Variants in PCDHA3 observed in about 807,000 individuals in gnomAD.
The protein encoded by PCDHA3 is protocadherin alpha 3.
In PCDHA3, 41 loss-of-function variants were observed where a neutral mutation model predicts 62.2. That is an observed-to-expected ratio of 0.66 (90% CI 0.51 to 0.86). The LOEUF (loss-of-function observed/expected upper bound fraction) is 0.86, where lower values mean the gene tolerates loss of function less well. PCDHA3 is among the 40% of genes least tolerant of loss of function. PCDHA3 has a pLI of 0.00. For synonymous variants in PCDHA3, 640 were observed against 555.4 expected, an observed-to-expected ratio of 1.15 and a Z score of -2.14; for missense variants, 1,304 against 1,241.2, an observed-to-expected ratio of 1.05 and a Z score of -0.76.
chr5:140,957,852 A>AT (rs5871756), intron 1 of PCDHA3, among the ~76,000 whole-genome samples: 44,688 of 151,688 alleles, frequency 0.29, 7,154 homozygotes, highest in East Asian at 0.53. Context: ...GAGTTTGTGT[A>AT]TTTTTTTTCC....
intron 1 of PCDHA3, chr5:140,843,796 T>C: frequency 2.2e-6 from 3 of 1,356,238 alleles, no homozygotes; most frequent in African/African-American, 1.4e-5. Context: ...GATTTAGTTT[T>C]TCACCGTATT....
At chr5:140,978,862 T>C (rs750080921) in intron 1 of PCDHA3, 87 bp from the exon 2 acceptor site, 138 of 1,599,976 alleles carry the variant, frequency 8.6e-5, no homozygotes, top group Non-Finnish European at 1.1e-4. Flanking sequence ...CTGGAAATAT[T>C]TAAGGGAGTA....
At chr5:140,946,092 G>T (rs985293430) in intron 1 of PCDHA3, among the ~76,000 whole-genome samples, 1 of 151,914 alleles carries the variant, frequency 6.6e-6, no homozygotes, top group Non-Finnish European at 1.5e-5. Context: ...CTGATAAGGA[G>T]TTAACATACC....
At chr5:140,846,397 C>T (rs1477353546) in intron 1 of PCDHA3, among the ~76,000 whole-genome samples, 11 of 101,188 alleles carry the variant, frequency 1.1e-4, no homozygotes, top group Non-Finnish European at 1.7e-4. Context: ...TTTTTTGAGA[C>T]GGAGTCTCGC....
intron 1 of PCDHA3, among the ~76,000 whole-genome samples, chr5:140,901,220 TC>T (rs1383510008): frequency 6.6e-6 from 1 of 152,200 alleles, no homozygotes; most frequent in Non-Finnish European, 1.5e-5. Context: ...GTTGATGTGA[TC>T]CCATATATCC....
chr5:140,807,804 C>A lies in PCDHA3; in HGVS notation c.2394+4213C>A, dbSNP rs370687848. 1.2e-5 allele frequency: 20 copies of A among 1,614,082 alleles called. No individual in the cohort carries two copies. The African/African-American group carries it at 1.7e-4, about 14-fold the overall frequency. On this transcript the variant is annotated intron_variant, in intron 1 of 3. Transcript: ENST00000522353. ...AAATCTTTAGACAGAGAAGAAGCTCCGGAGATTTTTTTAGTGCTCACAGCC... is the reference window on the plus strand; with the variant it reads ...AAATCTTTAGACAGAGAAGAAGCTCAGGAGATTTTTTTAGTGCTCACAGCC...
At chr5:140,884,213 G>C in intron 1 of PCDHA3, 1 of 1,613,532 alleles carries the variant, frequency 6.2e-7, no homozygotes, top group East Asian at 2.2e-5. Flanking sequence ...CCGCCTTCTG[G>C]TGCTGGTGAA....
intron 3 of PCDHA3, among the ~76,000 whole-genome samples, chr5:140,995,811 G>A (rs949931541): frequency 6.6e-6 from 1 of 152,240 alleles, no homozygotes; most frequent in South Asian, 2.1e-4. Context: ...GTTTCTGAAG[G>A]GAGATAGCCT....
Position 140,802,929 on chromosome 5 carries a change from A to C in PCDHA3, c.1732A>C (p.Ser578Arg). Residue 578 changes from serine (S) to arginine (R), a missense_variant, in exon 1 of 4, where the codon AGC becomes CGC. Ser to Arg is a moderately radical substitution (Grantham distance 110, BLOSUM62 -1). Coordinates refer to ENST00000522353, the MANE Select transcript of PCDHA3 (RefSeq NM_018906.3). ...GGTGGGTGGCATCGGTGGCGCAGTG[A>C]GCGAGCTGGTGCCGCGGTCAGTGGG... The part of the protein sequence containing the change: ...PRVGGIGGAV[S>R]ELVPRSVGAG... The C allele has an allele frequency of 6.2e-7, 1 of 1,613,804 alleles. No homozygotes were observed. Among genetic ancestry groups the C allele is most frequent in the Non-Finnish European group, 8.5e-7 (1 of 1,179,880 alleles).
At chr5:140,927,269 C>T in intron 1 of PCDHA3, 1 of 1,614,142 alleles carries the variant, frequency 6.2e-7, no homozygotes, top group Non-Finnish European at 8.5e-7. Context: ...CTCTTTCCTG[C>T]CGGCGACGTG....
rs139887265 is a variant in PCDHA3, at chr5:140,849,821, T to C, written c.2394+46230T>C. The C allele has an allele frequency of 1.1e-5, 18 of 1,598,172 alleles. 3 individuals carry two copies. Among genetic ancestry groups the C allele is most frequent in the African/African-American group, 4.0e-5 (3 of 74,350 alleles). ...CACTGTGGGCCACGGCCAGGGTGTCTGTGGAGGTGGCCGACGTGAACGACA... is the reference window on the plus strand; with the variant it reads ...CACTGTGGGCCACGGCCAGGGTGTCCGTGGAGGTGGCCGACGTGAACGACA... On this transcript the variant is annotated intron_variant, in intron 1 of 3. Transcript: ENST00000522353.
At position 140,842,920 on chromosome 5, in the gene PCDHA3, C is replaced by T. The variant is rs147542523; in HGVS notation, c.2394+39329C>T. 687 of 1,594,406 alleles carry T rather than the reference C, an allele frequency of 4.3e-4. 58 individuals are homozygous for T. Among genetic ancestry groups the T allele is most frequent in the South Asian group, 7.6e-4 (69 of 90,466 alleles). On this transcript the variant is annotated intron_variant, in intron 1 of 3. Transcript: ENST00000522353. ...ACGAGGAGCTAGAGCTGCTGCAGTT[C>T]CAGGTGAGCGCGCGCGACGCGGGCG...
At chr5:140,883,008 AT>A in intron 1 of PCDHA3, 1 of 1,614,178 alleles carries the variant, frequency 6.2e-7, no homozygotes, top group Non-Finnish European at 8.5e-7. Context: ...CAATCCGTTT[AT>A]AAAGTGACGG....
At chr5:140,863,648 T>C (rs2048105633) in intron 1 of PCDHA3, 2 of 299,994 alleles carry the variant, frequency 6.7e-6, no homozygotes, top group Non-Finnish European at 1.3e-5. Context: ...AAGTTATTAA[T>C]TTGATTGCTT....
chr5:140,823,295 T>C (rs1383597975), intron 1 of PCDHA3: 2 of 1,612,142 alleles, frequency 1.2e-6, no homozygotes, highest in African/African-American at 2.7e-5. Flanking sequence ...TCGAGTTACG[T>C]TTCGGTGCAC....
At chr5:141,007,419 T>C (rs1554261276) in intron 3 of PCDHA3, among the ~76,000 whole-genome samples, 3 of 141,394 alleles carry the variant, frequency 2.1e-5, no homozygotes, top group African/African-American at 5.2e-5. Flanking sequence ...AAAAAAAAAA[T>C]TAGCCAGGCA....
intron 1 of PCDHA3, chr5:140,809,371 C>G (rs781936039): frequency 9.3e-6 from 15 of 1,613,986 alleles, no homozygotes; most frequent in Non-Finnish European, 1.3e-5. Context: ...CGCTGCCCAC[C>G]GAGGGCGCGT....
In PCDHA3 at chr5:140,824,289, C is replaced by T. The variant is rs2150133966; in HGVS notation, c.2394+20698C>T. On this transcript the variant is annotated intron_variant, in intron 1 of 3. Transcript: ENST00000522353. The stretch of plus-strand genomic sequence containing the variant: ...CATGTATTATATGCTTTTTATGAGG[C>T]TTTTCTGCTGGGGTAATAGATTCAT... 46 of 983,138 alleles carry T rather than the reference C, an allele frequency of 4.7e-5. 1 individual carries two copies. The African/African-American group carries it at 6.0e-4, about 13-fold the overall frequency. 60.9% of individuals were successfully genotyped at this position (983,138 alleles called of 1,614,324 possible).
intron 1 of PCDHA3, among the ~76,000 whole-genome samples, chr5:140,915,392 A>AT (rs1554196880): frequency 6.6e-6 from 1 of 152,072 alleles, no homozygotes; most frequent in African/African-American, 2.4e-5. Context: ...AGAGCTAGGT[A>AT]TTTCTTATAG....
Sources: allele counts gnomAD v4.1 joint callset (sites outside exome capture counted in the v4.1 genomes callset), GRCh38; gene constraint gnomAD v4.1.1; transcripts MANE v1.5; gene names NCBI Gene and HGNC (gene_info 2026-07-23, HGNC 2026-07-21).